The following PDC variants were observed in gnomAD, a reference collection of about 807,000 sequenced individuals.
PDC encodes phosducin, also known as 33 kDa phototransducing protein.
A neutral mutation model predicts 22.2 loss-of-function variants in PDC; 19 were observed. That is an observed-to-expected ratio of 0.86 (90% CI 0.60 to 1.26). PDC has a LOEUF of 1.26. Among genes scored for constraint, PDC ranks in the 50% most tolerant of loss-of-function variants. The pLI, the probability that PDC is intolerant of heterozygous loss-of-function variation, is 0.00. For missense variants in PDC, 274 were observed against 286.8 expected, an observed-to-expected ratio of 0.96 and a Z score of 0.32; for synonymous variants, 97 against 96.2, an observed-to-expected ratio of 1.01 and a Z score of -0.05.
chr1:186,456,468 G>A (rs1662475000), intron 1 of PDC, among the ~76,000 whole-genome samples: 2 of 151,900 alleles, frequency 1.3e-5, no homozygotes, highest in South Asian at 2.1e-4. Context: ...TTCTCATACT[G>A]GTCTCCCCAA....
chr1:186,448,660 T>C (rs2102130535), intron 2 of PDC: 2 of 953,762 alleles, frequency 2.1e-6, no homozygotes, highest in Non-Finnish European at 2.5e-6. Context: ...TTGTTGTTTT[T>C]GTTTTTGTCA....
chr1:186,450,858 C>A (rs183826940), intron 1 of PDC, among the ~76,000 whole-genome samples: 1 of 152,222 alleles, frequency 6.6e-6, no homozygotes, highest in African/African-American at 2.4e-5. Flanking sequence ...TGTGATTTTC[C>A]TGAAGTTTTC....
chr1:186,444,007 GTA>G lies in PDC; in HGVS notation c.711_712del (p.Thr238GlnfsTer8). Reference sequence around the variant, plus strand: ...TTCAACATCTTCTTCTTCTATTTTGGTATGCTCTAGGACATGTACCTCTCTTT... The same window carrying G: ...TTCAACATCTTCTTCTTCTATTTTGGTGCTCTAGGACATGTACCTCTCTTT... On this transcript the variant is annotated frameshift_variant, in exon 4 of 4. Coordinates refer to ENST00000391997, the MANE Select transcript of PDC (RefSeq NM_002597.5). LOFTEE classifies it high-confidence loss of function. The G allele has an allele frequency of 1.2e-6, 2 of 1,608,180 alleles. No individual in the cohort carries two copies. The highest frequency in any genetic ancestry group is 8.5e-7 in the Non-Finnish European group (1 of 1,176,096).
chr1:186,460,051 T>A (rs1662551259), intron 1 of PDC, among the ~76,000 whole-genome samples: 2 of 152,042 alleles, frequency 1.3e-5, no homozygotes, highest in African/African-American at 2.4e-5. Flanking sequence ...AAAACAAACA[T>A]TATTTCTACT....
At chr1:186,454,915 G>A (rs1311258249) in intron 1 of PDC, among the ~76,000 whole-genome samples, 1 of 152,134 alleles carries the variant, frequency 6.6e-6, no homozygotes, top group Admixed American at 6.5e-5. Flanking sequence ...TGTTTCTTAA[G>A]CTTTTTATGA....
At chr1:186,453,020 A>G (rs1662383143) in intron 1 of PDC, among the ~76,000 whole-genome samples, 1 of 152,226 alleles carries the variant, frequency 6.6e-6, no homozygotes. Context: ...GTGCATTTAA[A>G]AGAATTTTAT....
Position 186,444,388 on chromosome 1 carries a change from T to C in PDC, c.332A>G (p.Tyr111Cys). 1 of 1,614,096 alleles carries C rather than the reference T, an allele frequency of 6.2e-7. No homozygotes were observed. The highest frequency in any genetic ancestry group is 1.1e-5 in the South Asian group (1 of 91,076). The change falls in exon 4 of 4, where the codon TAT (tyrosine) becomes TGT (cysteine). Residue 111 changes from tyrosine (Y) to cysteine (C), a missense_variant. Tyr to Cys is a radical substitution (Grantham distance 194). Coordinates refer to ENST00000391997, the MANE Select transcript of PDC (RefSeq NM_002597.5). The stretch of plus-strand genomic sequence containing the variant: ...AGTTTCCAGCTCATACACAAACCCA[T>C]ATCTAGGCCCAAAACTCAGCTTCTG... ...MHQKLSFGPR[Y>C]GFVYELETGK...
intron 1 of PDC, among the ~76,000 whole-genome samples, chr1:186,457,844 G>A (rs1287628453): frequency 1.3e-5 from 2 of 152,082 alleles, no homozygotes; most frequent in African/African-American, 4.8e-5. Flanking sequence ...TGATGCTGTT[G>A]AAAATTTTCC....
At chr1:186,458,055 T>C (rs1662503813) in intron 1 of PDC, among the ~76,000 whole-genome samples, 1 of 152,040 alleles carries the variant, frequency 6.6e-6, no homozygotes, top group African/African-American at 2.4e-5. Context: ...TTTTAAACAA[T>C]TAGTATGTCA....
At chr1:186,447,155 A>AT (rs66503956) in intron 2 of PDC, among the ~76,000 whole-genome samples, 30,151 of 148,966 alleles carry the variant, frequency 0.2, 4,242 homozygotes, top group African/African-American at 0.4. Flanking sequence ...TTGGCAGATT[A>AT]TTTTTTTTTT....
intron 1 of PDC, among the ~76,000 whole-genome samples, chr1:186,460,060 C>T (rs1374005545): frequency 6.6e-6 from 1 of 151,998 alleles, no homozygotes; most frequent in African/African-American, 2.4e-5. Context: ...ATTATTTCTA[C>T]TTTAAAAATT....
intron 3 of PDC, 124 bp downstream of exon 3, chr1:186,446,302 T>G (rs1662225832): frequency 1.6e-6 from 1 of 629,658 alleles, no homozygotes; most frequent in Non-Finnish European, 2.5e-6. Context: ...TTCCATTTTT[T>G]TTTGCCAGCG....
intron 1 of PDC, among the ~76,000 whole-genome samples, chr1:186,450,274 A>C (rs1662323847): frequency 6.6e-6 from 1 of 152,182 alleles, no homozygotes; most frequent in Non-Finnish European, 1.5e-5. Context: ...ACAAGTTTTC[A>C]TGACAACAGT....
chr1:186,448,392 T>C (rs1662280032), intron 2 of PDC, among the ~76,000 whole-genome samples: 1 of 152,142 alleles, frequency 6.6e-6, no homozygotes, highest in African/African-American at 2.4e-5. Flanking sequence ...TTCTATTTGG[T>C]AATTAGTTTC....
chr1:186,456,699 T>C (rs1296051384), intron 1 of PDC, among the ~76,000 whole-genome samples: 1 of 152,226 alleles, frequency 6.6e-6, no homozygotes. Context: ...TATTCCCTTT[T>C]GGAAACACAT....
chr1:186,455,255 TG>T (rs1303275145), intron 1 of PDC, among the ~76,000 whole-genome samples: 1 of 152,140 alleles, frequency 6.6e-6, no homozygotes, highest in African/African-American at 2.4e-5. Context: ...AGCTCCCCGG[TG>T]TCTTTTCTTG....
rs771597718 is a variant in PDC, at chr1:186,444,039, TAGTAACCCATA to T, written c.670_680del (p.Tyr224ThrfsTer2). ...CTAGGACATGTACCTCTCTTTCAGGTAGTAACCCATATTCATTTAGGAAAGACTCCACATCC... is the reference window on the plus strand; with the variant it reads ...CTAGGACATGTACCTCTCTTTCAGGTTTCATTTAGGAAAGACTCCACATCC... On this transcript the variant is annotated frameshift_variant, in exon 4 of 4. Transcript: ENST00000391997. LOFTEE classifies it high-confidence loss of function. The T allele has an allele frequency of 3.1e-6, 5 of 1,612,278 alleles. No individual in the cohort carries two copies. The South Asian group carries it at 5.5e-5, about 18-fold the overall frequency.
intron 1 of PDC, among the ~76,000 whole-genome samples, chr1:186,453,898 C>T (rs1379535110): frequency 2.0e-5 from 3 of 152,120 alleles, no homozygotes; most frequent in African/African-American, 7.2e-5. Flanking sequence ...AAATCTCTGA[C>T]TCTCAAATCT....
At chr1:186,446,924 C>T (rs1662243521) in intron 2 of PDC, among the ~76,000 whole-genome samples, 1 of 151,822 alleles carries the variant, frequency 6.6e-6, no homozygotes, top group Admixed American at 6.6e-5. Flanking sequence ...CTTTTATTAC[C>T]TAAGAAAAAA....
Sources: gnomAD v4.1 joint callset for allele counts (sites outside exome capture counted in the v4.1 genomes callset) on GRCh38, gnomAD v4.1.1 for gene constraint, MANE v1.5 for transcripts, NCBI Gene and HGNC (gene_info 2026-07-23, HGNC 2026-07-21) for gene names.